The following MYO16 variants were observed in gnomAD, a reference collection of about 807,000 sequenced individuals.
MYO16 encodes the protein unconventional myosin-XVI.
MYO16 carries 94 observed loss-of-function variants against 205.3 expected under a neutral mutation model. The observed-to-expected ratio is 0.46, with a 90% CI of 0.39 to 0.54. MYO16 has a LOEUF of 0.54. Among genes scored for constraint, MYO16 ranks in the 20% least tolerant of loss-of-function variants. The pLI is 0.00. For missense variants in MYO16, 2,315 were observed against 2,387.5 expected (o/e 0.97, Z 0.63); for synonymous variants, 988 against 954.0 (o/e 1.04, Z -0.66).
At chr13:108,553,204 G>T in the MYO16 span, among the ~76,000 whole-genome samples, 1 of 151,202 alleles carries the variant, frequency 6.6e-6, no homozygotes. Context: ...TAAGTTCAAG[G>T]CTGGTCTAGA....
At chr13:109,158,031 T>C (rs1369732977) in intron 32 of MYO16, among the ~76,000 whole-genome samples, 1 of 152,188 alleles carries the variant, frequency 6.6e-6, no homozygotes, top group African/African-American at 2.4e-5. Flanking sequence ...GAATACCTGT[T>C]GAATCAGTGG....
chr13:109,161,712 T>A (rs1878395648), intron 32 of MYO16, among the ~76,000 whole-genome samples: 1 of 152,156 alleles, frequency 6.6e-6, no homozygotes, highest in African/African-American at 2.4e-5. Context: ...ATTTAAAAAA[T>A]TAAAATTTAA....
chr13:109,133,556 C>G (rs946258150), intron 31 of MYO16, among the ~76,000 whole-genome samples: 2 of 152,140 alleles, frequency 1.3e-5, no homozygotes, highest in African/African-American at 4.8e-5. Flanking sequence ...CATTCTGCAG[C>G]AGTTCAGATA....
the MYO16 span, among the ~76,000 whole-genome samples, chr13:108,578,622 T>G: frequency 6.6e-6 from 1 of 152,222 alleles, no homozygotes; most frequent in African/African-American, 2.4e-5. Flanking sequence ...CTTCCCTCCT[T>G]GCCTCATCTT....
intron 4 of MYO16, among the ~76,000 whole-genome samples, chr13:108,756,695 A>G (rs1456359382): frequency 1.4e-5 from 2 of 147,610 alleles, no homozygotes; most frequent in Non-Finnish European, 3.1e-5. Context: ...ATTGCAAAAT[A>G]TAGAAAAAAA....
At chr13:109,024,163 A>C (rs1009074516) in intron 23 of MYO16, among the ~76,000 whole-genome samples, 1 of 151,104 alleles carries the variant, frequency 6.6e-6, no homozygotes, top group Non-Finnish European at 1.5e-5. Context: ...AGATTTCACT[A>C]TTACAAATTC....
At chr13:108,931,071 A>G (rs1020610955) in intron 16 of MYO16, among the ~76,000 whole-genome samples, 1 of 152,224 alleles carries the variant, frequency 6.6e-6, no homozygotes, top group Non-Finnish European at 1.5e-5. Context: ...GCTCCCCTGT[A>G]AATACACCCT....
intron 34 of MYO16, among the ~76,000 whole-genome samples, chr13:109,193,121 C>G (rs1024568603): frequency 1.3e-5 from 2 of 152,140 alleles, no homozygotes; most frequent in Non-Finnish European, 2.9e-5. Context: ...CTCTCTCTCC[C>G]TCTCTCTTTC....
At chr13:108,889,158 A>G (rs543308797) in intron 14 of MYO16, among the ~76,000 whole-genome samples, 187 of 152,322 alleles carry the variant, frequency 1.2e-3, no homozygotes, top group Non-Finnish European at 2.2e-3. Context: ...GCCTGATAAT[A>G]AATCTTTGGT....
At chr13:108,826,187 A>G (rs529867620) in intron 9 of MYO16, among the ~76,000 whole-genome samples, 1 of 152,264 alleles carries the variant, frequency 6.6e-6, no homozygotes, top group African/African-American at 2.4e-5. Context: ...CTTAAAATCT[A>G]TAGTAACTAA....
intron 19 of MYO16, among the ~76,000 whole-genome samples, chr13:108,963,198 T>G (rs1883653218): frequency 1.3e-5 from 2 of 152,250 alleles, no homozygotes; most frequent in Admixed American, 1.3e-4. Context: ...TTATTGTGAT[T>G]GTGAGAACTC....
At chr13:108,592,018 C>T (rs1878411255), upstream of MYO16, among the ~76,000 whole-genome samples, 1 of 121,832 alleles carries the variant, frequency 8.2e-6, no homozygotes, top group African/African-American at 3.2e-5. Flanking sequence ...TGTTTATCTC[C>T]TTTTAAAGAC....
At chr13:109,118,398 A>G (rs1251122564) in intron 28 of MYO16, among the ~76,000 whole-genome samples, 3 of 151,990 alleles carry the variant, frequency 2.0e-5, no homozygotes, top group Non-Finnish European at 4.4e-5. Context: ...CATTTTGTCC[A>G]CCTCCTCTCC....
chr13:108,655,641 G>A (rs780821914), intron 1 of MYO16, among the ~76,000 whole-genome samples: 44 of 152,250 alleles, frequency 2.9e-4, no homozygotes, highest in Non-Finnish European at 4.3e-4. Flanking sequence ...TGGAAAAGTC[G>A]CAGGCACTCA....
intron 27 of MYO16, among the ~76,000 whole-genome samples, chr13:109,080,945 A>G (rs957160997): frequency 6.6e-6 from 1 of 152,168 alleles, no homozygotes; most frequent in African/African-American, 2.4e-5. Context: ...TTACCATTCA[A>G]TTTCAGTGAT....
chr13:109,043,308 T>C (rs1886938008), intron 23 of MYO16, among the ~76,000 whole-genome samples: 1 of 152,136 alleles, frequency 6.6e-6, no homozygotes, highest in Non-Finnish European at 1.5e-5. Flanking sequence ...CAGGGAAGTT[T>C]GGAAGCACTA....
At chr13:109,107,550 C>G (rs1205837960) in intron 28 of MYO16, among the ~76,000 whole-genome samples, 1 of 151,932 alleles carries the variant, frequency 6.6e-6, no homozygotes, top group African/African-American at 2.4e-5. Context: ...TTTACATTCT[C>G]TATGATGAGA....
At chr13:108,535,056 T>C in the MYO16 span, among the ~76,000 whole-genome samples, 2 of 150,108 alleles carry the variant, frequency 1.3e-5, no homozygotes, top group African/African-American at 4.9e-5. Flanking sequence ...CTTCCTCCTC[T>C]TGTTCTTCTT....
chr13:108,608,414 C>G (rs1459591846), intron 1 of MYO16, among the ~76,000 whole-genome samples: 1 of 152,152 alleles, frequency 6.6e-6, no homozygotes, highest in East Asian at 1.9e-4. Flanking sequence ...TCATGCACAC[C>G]TTGTCTTAAA....
Sources: allele counts gnomAD v4.1 joint callset (sites outside exome capture counted in the v4.1 genomes callset), GRCh38; gene constraint gnomAD v4.1.1; transcripts MANE v1.5; gene names NCBI Gene and HGNC (gene_info 2026-07-23, HGNC 2026-07-21).